The following PDGFC variants were observed in gnomAD, a reference collection of about 807,000 sequenced individuals.
The protein encoded by PDGFC is platelet-derived growth factor C.
PDGFC carries 12 observed loss-of-function variants against 35.5 expected under a neutral mutation model. The ratio of observed to expected loss-of-function variants is 0.34; its 90% CI spans 0.22 to 0.55. PDGFC has a LOEUF of 0.55. PDGFC is among the 20% of genes least tolerant of loss of function. PDGFC has a pLI of 0.91. For synonymous variants in PDGFC, 159 were observed against 148.8 expected (o/e 1.07, Z -0.50); for missense variants, 322 against 412.4 (o/e 0.78, Z 1.90).
chr4:156,872,919 C>T (rs1730020482), intron 1 of PDGFC, among the ~76,000 whole-genome samples: 1 of 152,140 alleles, frequency 6.6e-6, no homozygotes, highest in African/African-American at 2.4e-5. Context: ...CACTTGAGCC[C>T]ATGAGTTCAA....
chr4:156,798,672 A>T (rs1029578273), intron 3 of PDGFC, among the ~76,000 whole-genome samples: 2 of 152,144 alleles, frequency 1.3e-5, no homozygotes, highest in African/African-American at 4.8e-5. Flanking sequence ...CATCCAAAGG[A>T]TGTGTCATAT....
intron 1 of PDGFC, among the ~76,000 whole-genome samples, chr4:156,888,002 TAA>T (rs35591023): frequency 6.0e-4 from 75 of 125,750 alleles, no homozygotes; most frequent in Middle Eastern, 4.1e-3. Flanking sequence ...AACCCCGTCT[TAA>T]AAAAAAAAAA....
intron 2 of PDGFC, among the ~76,000 whole-genome samples, chr4:156,828,879 A>G (rs754447993): frequency 5.9e-5 from 9 of 152,190 alleles, no homozygotes; most frequent in Non-Finnish European, 1.2e-4. Context: ...CAGAGGCAGA[A>G]TTAGCTAAAG....
At chr4:156,795,996 A>C (rs1293423994) in intron 3 of PDGFC, among the ~76,000 whole-genome samples, 1 of 152,158 alleles carries the variant, frequency 6.6e-6, no homozygotes, top group East Asian at 1.9e-4. Context: ...TTTATGTTTC[A>C]CACGTTTACT....
rs1235939540 is a variant in PDGFC, at chr4:156,778,117, TAAAAAAA to T, written c.496-5231_496-5225del. The T allele has an allele frequency of 1.2e-4, 30 of 244,878 alleles. No individual in the cohort carries two copies. In the Middle Eastern group the frequency reaches 5.0e-3, roughly 40 times the overall value. 15.2% of individuals were successfully genotyped at this position (244,878 alleles called of 1,614,324 possible). On this transcript the variant is annotated intron_variant, in intron 3 of 5. Coordinates refer to ENST00000502773, the MANE Select transcript of PDGFC (RefSeq NM_016205.3). Reference sequence around the variant, plus strand: ...AGACTCTGCCTCAAAAAATAAAAAATAAAAAAATAAAAAATAAGGCAAATGAACAAAA... The same window carrying T: ...AGACTCTGCCTCAAAAAATAAAAAATTAAAAAATAAGGCAAATGAACAAAA...
intron 3 of PDGFC, among the ~76,000 whole-genome samples, chr4:156,793,564 A>T (rs28480983): frequency 0.02 from 2,372 of 117,730 alleles, 14 homozygotes; most frequent in Middle Eastern, 0.071. Flanking sequence ...TATATATATA[A>T]AACACTTTAA....
chr4:156,822,368 A>G (rs1031009465), intron 2 of PDGFC, among the ~76,000 whole-genome samples: 1 of 151,496 alleles, frequency 6.6e-6, no homozygotes, highest in Non-Finnish European at 1.5e-5. Flanking sequence ...AAAAAAAAAA[A>G]AAAAAAAAAG....
intron 1 of PDGFC, among the ~76,000 whole-genome samples, chr4:156,914,411 C>T (rs186902725): frequency 1.3e-5 from 2 of 152,226 alleles, no homozygotes; most frequent in African/African-American, 4.8e-5. Flanking sequence ...GTTTGATGAA[C>T]CCCTTAGTGA....
chr4:156,764,721 G>C (rs2110786285), intron 5 of PDGFC, among the ~76,000 whole-genome samples: 1 of 152,198 alleles, frequency 6.6e-6, no homozygotes, highest in African/African-American at 2.4e-5. Context: ...AATGGCTACT[G>C]AATACTATTT....
At chr4:156,870,259 T>C (rs1283158629) in intron 1 of PDGFC, among the ~76,000 whole-genome samples, 1 of 152,158 alleles carries the variant, frequency 6.6e-6, no homozygotes, top group African/African-American at 2.4e-5. Flanking sequence ...TAACAAGTTT[T>C]TTCTCTTATT....
At chr4:156,866,179 T>C (rs1444222366) in intron 1 of PDGFC, among the ~76,000 whole-genome samples, 1 of 152,098 alleles carries the variant, frequency 6.6e-6, no homozygotes, top group Non-Finnish European at 1.5e-5. Context: ...ATTGTTCAAT[T>C]CCCACCCATG....
At chr4:156,786,568 C>T (rs878956948) in intron 3 of PDGFC, among the ~76,000 whole-genome samples, 3 of 151,892 alleles carry the variant, frequency 2.0e-5, no homozygotes, top group Admixed American at 2.0e-4. Flanking sequence ...TGTGGCTGGA[C>T]CAAAGGTTGG....
chr4:156,834,338 A>C (rs1449738306), intron 2 of PDGFC, among the ~76,000 whole-genome samples: 1 of 152,138 alleles, frequency 6.6e-6, no homozygotes, highest in African/African-American at 2.4e-5. Flanking sequence ...TTTTTTTCTC[A>C]AAGTACACTA....
intron 1 of PDGFC, among the ~76,000 whole-genome samples, chr4:156,887,290 A>T (rs1730398601): frequency 1.3e-5 from 2 of 152,162 alleles, no homozygotes; most frequent in South Asian, 4.1e-4. Flanking sequence ...TGTTAACTTG[A>T]TAAGGAGACT....
intron 2 of PDGFC, among the ~76,000 whole-genome samples, chr4:156,848,723 T>G (rs1285298256): frequency 3.9e-5 from 6 of 152,006 alleles, no homozygotes; most frequent in Non-Finnish European, 5.9e-5. Flanking sequence ...AAATATGTAC[T>G]TCTTATGAAA....
intron 1 of PDGFC, among the ~76,000 whole-genome samples, chr4:156,875,718 G>A (rs531837315): frequency 6.6e-6 from 1 of 152,112 alleles, no homozygotes; most frequent in African/African-American, 2.4e-5. Flanking sequence ...AGGAGTTTGA[G>A]AACAGACTGG....
chr4:156,856,718 C>T (rs767013985), intron 1 of PDGFC, among the ~76,000 whole-genome samples: 2 of 152,066 alleles, frequency 1.3e-5, no homozygotes, highest in Non-Finnish European at 2.9e-5. Context: ...TTTTACATAT[C>T]ACTTCAACAA....
Position 156,761,176 on chromosome 4 carries a change from C to T in PDGFC, c.*1914G>A, listed in dbSNP as rs895642101. On this transcript the variant is annotated 3_prime_UTR_variant, in exon 6 of 6. Coordinates refer to ENST00000502773, the MANE Select transcript of PDGFC (RefSeq NM_016205.3). ...GAGGAAAGGATGCTGAAGATACCAG[C>T]CCTGAATAGGAATCTATGTCTGGAA... 2 of 152,232 alleles carry T rather than the reference C, an allele frequency of 1.3e-5. No individual in the cohort carries two copies. Among genetic ancestry groups the T allele is most frequent in the African/African-American group, 4.8e-5 (2 of 41,438 alleles). The allele number at this position is 152,232 out of a possible 1,614,324, so 9.4% of individuals were successfully genotyped here. A position where few individuals can be genotyped will look rare whatever the true frequency, so the allele number is the denominator to read the frequency against.
intron 1 of PDGFC, among the ~76,000 whole-genome samples, chr4:156,868,078 G>A (rs1050739235): frequency 2.0e-5 from 3 of 152,198 alleles, no homozygotes; most frequent in South Asian, 2.1e-4. Flanking sequence ...GCCTCCCAAA[G>A]TGCTGGGAAT....
Sources: allele counts gnomAD v4.1 joint callset (sites outside exome capture counted in the v4.1 genomes callset), GRCh38; gene constraint gnomAD v4.1.1; transcripts MANE v1.5; gene names NCBI Gene and HGNC (gene_info 2026-07-23, HGNC 2026-07-21).